The following HIVEP3 variants were observed in gnomAD, a reference collection of about 807,000 sequenced individuals.
HIVEP3 encodes the protein HIVEP zinc finger 3.
A neutral mutation model predicts 152.8 loss-of-function variants in HIVEP3; 49 were observed. That is an observed-to-expected ratio of 0.32 (90% CI 0.26 to 0.41). HIVEP3 has a LOEUF of 0.41. Among genes scored for constraint, HIVEP3 ranks in the 10% least tolerant of loss-of-function variants. The pLI is 1.00. For missense variants in HIVEP3, 2,790 were observed against 3,103.3 expected (o/e 0.90, Z 2.40); for synonymous variants, 1,269 against 1,289.0 (o/e 0.98, Z 0.33).
intron 1 of HIVEP3, among the ~76,000 whole-genome samples, chr1:41,845,404 TACACACACACACACGCAC>T (rs1557440019): frequency 1.0e-4 from 12 of 119,404 alleles, no homozygotes; most frequent in African/African-American, 4.0e-4. Flanking sequence ...ACACCTCCTA[TACACACACACACACGCAC>T]ACACACACAC....
intron 1 of HIVEP3, among the ~76,000 whole-genome samples, chr1:42,022,511 AT>A (rs1645560544): frequency 6.6e-6 from 1 of 152,138 alleles, no homozygotes; most frequent in African/African-American, 2.4e-5. Context: ...AATGGTCCAG[AT>A]TTGTCAAGTA....
chr1:41,753,147 T>C (rs1232570051), intron 1 of HIVEP3, among the ~76,000 whole-genome samples: 1 of 152,120 alleles, frequency 6.6e-6, no homozygotes, highest in Admixed American at 6.5e-5. Context: ...AGACCCAGCA[T>C]TGGTGGGAGT....
chr1:41,673,533 G>C (rs1645908580), intron 2 of HIVEP3, among the ~76,000 whole-genome samples: 2 of 152,254 alleles, frequency 1.3e-5, no homozygotes, highest in Admixed American at 6.5e-5. Context: ...CCACGACCTG[G>C]ATTTCCTGGT....
chr1:41,708,496 C>G (rs1456513297), intron 1 of HIVEP3, among the ~76,000 whole-genome samples: 1 of 152,210 alleles, frequency 6.6e-6, no homozygotes, highest in Non-Finnish European at 1.5e-5. Flanking sequence ...TTGCCAGGCC[C>G]TGACTCTGCG....
intron 1 of HIVEP3, among the ~76,000 whole-genome samples, chr1:41,763,838 G>C (rs978548936): frequency 1.4e-4 from 21 of 152,226 alleles, no homozygotes; most frequent in African/African-American, 5.1e-4. Context: ...GTTAAATGCT[G>C]TGAAAGTTCA....
intron 1 of HIVEP3, among the ~76,000 whole-genome samples, chr1:41,729,547 G>A (rs535269554): frequency 9.9e-5 from 15 of 152,222 alleles, no homozygotes; most frequent in African/African-American, 2.2e-4. Context: ...ATGGGTCCCC[G>A]TTGACTTTAA....
At chr1:41,655,736 T>C (rs1463114977) in intron 2 of HIVEP3, among the ~76,000 whole-genome samples, 1 of 152,138 alleles carries the variant, frequency 6.6e-6, no homozygotes, top group East Asian at 1.9e-4. Flanking sequence ...TGTTCCTTTG[T>C]TCACGATTGG....
intron 1 of HIVEP3, among the ~76,000 whole-genome samples, chr1:41,951,887 T>C (rs1285529735): frequency 6.6e-6 from 1 of 152,138 alleles, no homozygotes; most frequent in Non-Finnish European, 1.5e-5. Flanking sequence ...CAATTCAAGA[T>C]GAGATTTGGG....
chr1:41,620,027 A>G (rs185167182), intron 3 of HIVEP3, among the ~76,000 whole-genome samples: 1 of 152,206 alleles, frequency 6.6e-6, no homozygotes, highest in African/African-American at 2.4e-5. Context: ...GCTGCAGCTG[A>G]GTTCCTTTGA....
intron 3 of HIVEP3, among the ~76,000 whole-genome samples, chr1:41,625,786 C>A (rs1645109255): frequency 6.6e-6 from 1 of 151,782 alleles, no homozygotes; most frequent in Admixed American, 6.6e-5. Flanking sequence ...TAGACTAAGT[C>A]TAAATGGCAA....
chr1:41,900,934 G>A (rs988779173), intron 1 of HIVEP3, among the ~76,000 whole-genome samples: 1 of 152,094 alleles, frequency 6.6e-6, no homozygotes, highest in Admixed American at 6.6e-5. Context: ...TTACAGACAT[G>A]ATTAGGGCCC....
chr1:41,984,990 G>A (rs61775785), intron 1 of HIVEP3, among the ~76,000 whole-genome samples: 2 of 151,852 alleles, frequency 1.3e-5, no homozygotes, highest in Admixed American at 6.6e-5. Flanking sequence ...AAAAAAAAAG[G>A]ACCTGCTTTA....
rs1644392728 is a variant in HIVEP3, at chr1:41,580,841, C to T, written c.3957G>A (p.Val1319=). Residue 1319 remains valine (V), a synonymous_variant, in exon 4 of 9, where the codon GTG becomes GTA. Transcript: ENST00000372583. Reference sequence around the variant, plus strand: ...GCATATTGGTCTGAACACGGACAGGCACAACCAGGGACACCATGGTGTCTG... The same window carrying T: ...GCATATTGGTCTGAACACGGACAGGTACAACCAGGGACACCATGGTGTCTG... ...ACPDTMVSLV[V]PVRVQTNMPS... 6.3e-7 allele frequency: 1 copy of T among 1,592,858 alleles called. No homozygotes were observed. Among genetic ancestry groups the T allele is most frequent in the Admixed American group, 1.7e-5 (1 of 58,248 alleles).
chr1:41,609,444 G>T (rs552053836), intron 3 of HIVEP3, among the ~76,000 whole-genome samples: 1 of 152,230 alleles, frequency 6.6e-6, no homozygotes, highest in Non-Finnish European at 1.5e-5. Context: ...TAGGCACCTG[G>T]CAGGCTGTGT....
intron 1 of HIVEP3, among the ~76,000 whole-genome samples, chr1:41,862,763 G>C (rs996529055): frequency 3.9e-5 from 6 of 152,194 alleles, no homozygotes; most frequent in Non-Finnish European, 7.3e-5. Flanking sequence ...CAGAGACTTA[G>C]GTTTTAGGAG....
chr1:41,891,673 C>T (rs1365563366), intron 1 of HIVEP3, among the ~76,000 whole-genome samples: 1 of 152,206 alleles, frequency 6.6e-6, no homozygotes, highest in East Asian at 1.9e-4. Context: ...CGGCACTCCC[C>T]AGAAGTCCTT....
chr1:41,986,480 G>A (rs563607896), intron 1 of HIVEP3, among the ~76,000 whole-genome samples: 17 of 129,660 alleles, frequency 1.3e-4, no homozygotes, highest in South Asian at 2.3e-4. Flanking sequence ...TTGCTCTTTC[G>A]CCCAGGCCAG....
At chr1:41,545,298 ACC>A (rs1643732037) in intron 5 of HIVEP3, among the ~76,000 whole-genome samples, 2 of 143,856 alleles carry the variant, frequency 1.4e-5, no homozygotes, top group Admixed American at 6.8e-5. Context: ...CACCATCACC[ACC>A]TCTACCACCA....
chr1:41,750,975 A>G (rs561859272), intron 1 of HIVEP3, among the ~76,000 whole-genome samples: 13 of 152,080 alleles, frequency 8.5e-5, no homozygotes, highest in Non-Finnish European at 1.6e-4. Context: ...CGGCCTCCCA[A>G]AGTGCTGGGA....
Sources: gnomAD v4.1 joint callset for allele counts (sites outside exome capture counted in the v4.1 genomes callset) on GRCh38, gnomAD v4.1.1 for gene constraint, MANE v1.5 for transcripts, NCBI Gene and HGNC (gene_info 2026-07-23, HGNC 2026-07-21) for gene names.